Variants in MAPK10 observed in about 807,000 individuals in gnomAD.
The protein encoded by MAPK10 is JNK3 alpha protein kinase.
A neutral mutation model predicts 59.3 loss-of-function variants in MAPK10; 25 were observed. The ratio of observed to expected loss-of-function variants is 0.42; its 90% CI spans 0.31 to 0.59. The LOEUF (loss-of-function observed/expected upper bound fraction) is 0.59. MAPK10 is among the 20% of genes least tolerant of loss of function. The pLI, the probability that MAPK10 is intolerant of heterozygous loss-of-function variation, is 0.15. For missense variants in MAPK10, 351 were observed against 568.9 expected, an observed-to-expected ratio of 0.62 and a Z score of 3.90; for synonymous variants, 190 against 200.5, an observed-to-expected ratio of 0.95 and a Z score of 0.44.
At chr4:86,190,584 T>G (rs1370682466) in intron 3 of MAPK10, among the ~76,000 whole-genome samples, 1 of 152,206 alleles carries the variant, frequency 6.6e-6, no homozygotes, top group African/African-American at 2.4e-5. Flanking sequence ...GTGGGATCAG[T>G]GGTGATATCC....
At chr4:86,092,727 C>T (rs2053486355) in intron 9 of MAPK10, among the ~76,000 whole-genome samples, 1 of 151,878 alleles carries the variant, frequency 6.6e-6, no homozygotes, top group Non-Finnish European at 1.5e-5. Context: ...AAGTAATTAG[C>T]AAATTCAATC....
chr4:86,059,959 C>T (rs780580461), intron 11 of MAPK10, among the ~76,000 whole-genome samples: 6 of 152,176 alleles, frequency 3.9e-5, no homozygotes, highest in Non-Finnish European at 7.4e-5. Context: ...TTCCAAAATG[C>T]CAGCTGCCCA....
chr4:86,135,849 T>G (rs2061948205), intron 4 of MAPK10, among the ~76,000 whole-genome samples: 1 of 152,140 alleles, frequency 6.6e-6, no homozygotes, highest in Admixed American at 6.5e-5. Flanking sequence ...AAGGAGCTGA[T>G]GGAGCTGAAA....
At position 86,532,255 on chromosome 4, in the gene MAPK10, C is replaced by G. The variant is rs182925105; in HGVS notation, c.-263+61655G>C. On this transcript the variant is annotated intron_variant, in intron 1 of 4. Coordinates refer to the MAPK10 transcript ENST00000502302. ...GGACACTATCTTTAAAGTGGTGCTA[C>G]CTTCAGGTAGTTTATATTCTCCTAG... Among the ~76,000 whole-genome samples, 31 of 152,108 alleles carry G rather than the reference C, an allele frequency of 2.0e-4. No individual in the cohort carries two copies. The East Asian group carries it at 6.0e-3, about 29-fold the overall frequency.
At chr4:86,229,337 G>T (rs2091180464) in intron 2 of MAPK10, among the ~76,000 whole-genome samples, 1 of 152,020 alleles carries the variant, frequency 6.6e-6, no homozygotes, top group Non-Finnish European at 1.5e-5. Context: ...AAATAATAAA[G>T]TAGCCATTGT....
At chr4:86,503,944 T>C (rs2149080516) in intron 1 of MAPK10, among the ~76,000 whole-genome samples, 1 of 152,234 alleles carries the variant, frequency 6.6e-6, no homozygotes, top group African/African-American at 2.4e-5. Flanking sequence ...TCTTGGGCTT[T>C]GTACGCATTC....
chr4:86,524,267 C>A (rs905344440), intron 1 of MAPK10, among the ~76,000 whole-genome samples: 1 of 152,162 alleles, frequency 6.6e-6, no homozygotes, highest in Non-Finnish European at 1.5e-5. Context: ...GTTATGGTAA[C>A]ACAAAATTGA....
chr4:86,548,888 T>C (rs970067604), intron 1 of MAPK10, among the ~76,000 whole-genome samples: 2 of 152,214 alleles, frequency 1.3e-5, no homozygotes, highest in African/African-American at 4.8e-5. Context: ...GAATAGATTT[T>C]GGTTCCTTTA....
At chr4:86,284,040 T>G (rs2094914370) in intron 2 of MAPK10, among the ~76,000 whole-genome samples, 1 of 152,166 alleles carries the variant, frequency 6.6e-6, no homozygotes, top group South Asian at 2.1e-4. Context: ...CACAAATTAT[T>G]TGAGCATGAA....
chr4:86,365,518 C>T (rs1737718736), intron 1 of MAPK10, among the ~76,000 whole-genome samples: 1 of 147,512 alleles, frequency 6.8e-6, no homozygotes, highest in Non-Finnish European at 1.5e-5. Context: ...CTCATTATCT[C>T]CCCTGAAAGT....
intron 1 of MAPK10, among the ~76,000 whole-genome samples, chr4:86,557,585 A>C (rs1014064173): frequency 2.0e-5 from 3 of 152,104 alleles, no homozygotes; most frequent in African/African-American, 7.2e-5. Context: ...ATTACTGATA[A>C]ATTTAATAAT....
chr4:86,320,457 C>A (rs1023858709), intron 2 of MAPK10, among the ~76,000 whole-genome samples: 18 of 152,204 alleles, frequency 1.2e-4, no homozygotes, highest in African/African-American at 4.3e-4. Flanking sequence ...AATAGAATAT[C>A]TACACTTTTT....
intron 4 of MAPK10, among the ~76,000 whole-genome samples, chr4:86,158,278 C>T (rs549073214): frequency 2.6e-5 from 4 of 151,714 alleles, no homozygotes; most frequent in Non-Finnish European, 4.4e-5. Flanking sequence ...CCAGCACCTC[C>T]GGAAAGGAAC....
chr4:86,185,400 G>A (rs2077963890), intron 3 of MAPK10, among the ~76,000 whole-genome samples: 2 of 152,126 alleles, frequency 1.3e-5, no homozygotes, highest in Admixed American at 6.6e-5. Flanking sequence ...GGCCCAAGTG[G>A]ATAACAGAAG....
At chr4:86,209,415 A>G (rs1266111228) in intron 2 of MAPK10, among the ~76,000 whole-genome samples, 2 of 152,090 alleles carry the variant, frequency 1.3e-5, no homozygotes. Context: ...AATTTGCATG[A>G]GGTAACTATT....
At chr4:86,227,501 G>GAAAGAAAAGAA (rs1014752247) in intron 2 of MAPK10, among the ~76,000 whole-genome samples, 1 of 137,448 alleles carries the variant, frequency 7.3e-6, no homozygotes, top group African/African-American at 2.8e-5. Context: ...AAAAAAAAAA[G>GAAAGAAAAGAA]AAAGAAAAGA....
intron 1 of MAPK10, among the ~76,000 whole-genome samples, chr4:86,414,288 A>T (rs1166202387): frequency 6.6e-6 from 1 of 151,992 alleles, no homozygotes. Context: ...AGCTGGCTTT[A>T]CCCCCAGCTC....
chr4:86,087,589 A>G (rs973514963), intron 9 of MAPK10, among the ~76,000 whole-genome samples: 2 of 146,004 alleles, frequency 1.4e-5, no homozygotes, highest in Admixed American at 6.8e-5. Flanking sequence ...AGCACTATAG[A>G]CAGAAAGACT....
chr4:86,162,631 T>C (rs1055527647), intron 3 of MAPK10, among the ~76,000 whole-genome samples: 1 of 152,088 alleles, frequency 6.6e-6, no homozygotes, highest in Non-Finnish European at 1.5e-5. Flanking sequence ...TTTTCCTTTC[T>C]TTTTTTAACA....
Sources: gnomAD v4.1 joint callset for allele counts (sites outside exome capture counted in the v4.1 genomes callset) on GRCh38, gnomAD v4.1.1 for gene constraint, MANE v1.5 for transcripts, NCBI Gene and HGNC (gene_info 2026-07-23, HGNC 2026-07-21) for gene names.